Variants in HPSE2 observed in about 807,000 individuals in gnomAD.
The protein encoded by HPSE2 is heparanase 2 (inactive), also known as inactive heparanase-2.
In HPSE2, 38 loss-of-function variants were observed where a neutral mutation model predicts 60.5. The observed-to-expected ratio is 0.63, with a 90% confidence interval of 0.48 to 0.82. The LOEUF is 0.82. Among genes scored for constraint, HPSE2 ranks in the 40% least tolerant of loss-of-function variants. The pLI, the probability that HPSE2 is intolerant of heterozygous loss-of-function variation, is 0.00. For missense variants in HPSE2, 713 were observed against 740.4 expected, an observed-to-expected ratio of 0.96 and a Z score of 0.43; for synonymous variants, 295 against 293.2, an observed-to-expected ratio of 1.01 and a Z score of -0.06.
intron 4 of HPSE2, among the ~76,000 whole-genome samples, chr10:98,728,151 TA>T (rs1949136584): frequency 6.6e-6 from 1 of 152,132 alleles, no homozygotes; most frequent in South Asian, 2.1e-4. Context: ...TGAATAACTG[TA>T]AAAAATATTC....
intron 9 of HPSE2, among the ~76,000 whole-genome samples, chr10:98,544,916 T>C (rs963890444): frequency 2.0e-5 from 3 of 151,274 alleles, no homozygotes; most frequent in African/African-American, 4.9e-5. Context: ...GCAAGACTAA[T>C]AAAGAAGAAA....
At chr10:98,917,618 G>C (rs1954157024) in intron 3 of HPSE2, among the ~76,000 whole-genome samples, 1 of 152,132 alleles carries the variant, frequency 6.6e-6, no homozygotes, top group Non-Finnish European at 1.5e-5. Context: ...TGACATTTAA[G>C]TCACCCAGTT....
At chr10:98,832,677 A>G (rs555747041) in intron 3 of HPSE2, among the ~76,000 whole-genome samples, 96 of 152,158 alleles carry the variant, frequency 6.3e-4, no homozygotes, top group Non-Finnish European at 1.0e-3. Flanking sequence ...AGATTAGGAG[A>G]CAGAGAAGGT....
intron 9 of HPSE2, among the ~76,000 whole-genome samples, chr10:98,588,668 G>A (rs1242963313): frequency 1.3e-5 from 2 of 152,014 alleles, no homozygotes; most frequent in Non-Finnish European, 2.9e-5. Flanking sequence ...ATGCTCAACA[G>A]CAGGCACCGA....
rs567806385 is a variant in HPSE2 at position 98,679,081 on chromosome 10, C to A, written c.1004+14819G>T. ...TGACCAGAGAAAGTTGAATTATATA[C>A]CTGTGGTGAGGGAAGTCTAAAAGTT... On this transcript the variant is annotated intron_variant, in intron 6 of 11. Coordinates refer to ENST00000370552, the MANE Select transcript of HPSE2 (RefSeq NM_021828.5). Among the ~76,000 whole-genome samples the A allele has an allele frequency of 4.6e-5, 7 of 152,216 alleles. 1 individual carries two copies. The South Asian group carries it at 1.5e-3, about 32-fold the overall frequency.
chr10:98,512,914 C>T (rs1942466604), intron 9 of HPSE2, among the ~76,000 whole-genome samples: 1 of 152,026 alleles, frequency 6.6e-6, no homozygotes, highest in South Asian at 2.1e-4. Flanking sequence ...TCTTGGACCA[C>T]CCACATCCCT....
At chr10:98,966,111 G>A (rs1480663710) in intron 3 of HPSE2, among the ~76,000 whole-genome samples, 1 of 152,086 alleles carries the variant, frequency 6.6e-6, no homozygotes, top group African/African-American at 2.4e-5. Context: ...GACTGGTCTT[G>A]AACCCATGAC....
chr10:98,959,749 A>G (rs1437169084), intron 3 of HPSE2, among the ~76,000 whole-genome samples: 1 of 152,098 alleles, frequency 6.6e-6, no homozygotes, highest in African/African-American at 2.4e-5. Context: ...GGAGGCCTTC[A>G]TCTATGTAGA....
At chr10:98,892,831 C>T (rs1418119910) in intron 3 of HPSE2, among the ~76,000 whole-genome samples, 3 of 152,102 alleles carry the variant, frequency 2.0e-5, no homozygotes, top group Non-Finnish European at 1.5e-5. Flanking sequence ...AAGCTATTAA[C>T]ATTGTGGTTT....
chr10:98,469,984 T>C (rs553468191), intron 11 of HPSE2, among the ~76,000 whole-genome samples: 16 of 152,200 alleles, frequency 1.1e-4, no homozygotes, highest in Non-Finnish European at 2.2e-4. Flanking sequence ...GTAGCCTCTG[T>C]GGAGAGGGAC....
intron 2 of HPSE2, among the ~76,000 whole-genome samples, chr10:99,202,541 A>C (rs2133888023): frequency 6.6e-6 from 1 of 152,284 alleles, no homozygotes; most frequent in South Asian, 2.1e-4. Flanking sequence ...TCATCTTTAA[A>C]ATGGCAGTAT....
At chr10:98,855,861 G>A (rs940156453) in intron 3 of HPSE2, among the ~76,000 whole-genome samples, 2 of 152,164 alleles carry the variant, frequency 1.3e-5, no homozygotes, top group African/African-American at 4.8e-5. Flanking sequence ...CTTTTCAGGT[G>A]TAGACTCACA....
chr10:99,078,481 A>C (rs948766646), intron 3 of HPSE2, among the ~76,000 whole-genome samples: 3 of 152,222 alleles, frequency 2.0e-5, no homozygotes, highest in Admixed American at 2.0e-4. Flanking sequence ...GACAGTTGTT[A>C]TATTATTTAG....
intron 9 of HPSE2, among the ~76,000 whole-genome samples, chr10:98,532,041 T>G (rs1342957068): frequency 6.6e-6 from 1 of 152,170 alleles, no homozygotes; most frequent in Non-Finnish European, 1.5e-5. Flanking sequence ...CTTATTTCTA[T>G]TTTTTTCATG....
In HPSE2 at chr10:99,227,869, A is replaced by ATG. The variant is rs34836739; in HGVS notation, c.448+4477_448+4478dup. Among the ~76,000 whole-genome samples the ATG allele has an allele frequency of 2.7e-3, 386 of 142,414 alleles. 2 individuals carry two copies. The highest frequency in any genetic ancestry group is 7.3e-3 in the Middle Eastern group (2 of 274). The allele number at this position is 142,414 out of a possible 152,430, so 93.4% of individuals were successfully genotyped here. A position where few individuals can be genotyped will look rare whatever the true frequency, so the allele number is the denominator to read the frequency against. Reference sequence around the variant, plus strand: ...TATATATAAAGTTGAATGTGTATATATGTGTGTGTGTGTGTGTGTGTGTGT... The same window carrying ATG: ...TATATATAAAGTTGAATGTGTATATATGTGTGTGTGTGTGTGTGTGTGTGTGT... On this transcript the variant is annotated intron_variant, in intron 2 of 11. Coordinates refer to ENST00000370552, the MANE Select transcript of HPSE2 (RefSeq NM_021828.5).
intron 2 of HPSE2, among the ~76,000 whole-genome samples, chr10:99,219,227 C>T (rs1239376522): frequency 6.6e-6 from 1 of 152,186 alleles, no homozygotes; most frequent in South Asian, 2.1e-4. Context: ...TGGCATCCCA[C>T]AGAGTGCTCT....
At chr10:98,914,963 T>C (rs1046384548) in intron 3 of HPSE2, among the ~76,000 whole-genome samples, 1 of 151,214 alleles carries the variant, frequency 6.6e-6, no homozygotes, top group African/African-American at 2.4e-5. Flanking sequence ...TACAAAAGTA[T>C]ACACACAGGA....
At chr10:98,910,061 G>T (rs1590060517) in intron 3 of HPSE2, among the ~76,000 whole-genome samples, 1 of 152,160 alleles carries the variant, frequency 6.6e-6, no homozygotes. Context: ...AAGAAAAAAA[G>T]TGTTCATAAA....
chr10:98,590,511 C>G (rs1355811031), intron 9 of HPSE2, among the ~76,000 whole-genome samples: 3 of 152,176 alleles, frequency 2.0e-5, no homozygotes, highest in Non-Finnish European at 4.4e-5. Context: ...TTCGGATTCT[C>G]TTTTTCATTC....
Sources: allele counts gnomAD v4.1 joint callset (sites outside exome capture counted in the v4.1 genomes callset), GRCh38; gene constraint gnomAD v4.1.1; transcripts MANE v1.5; gene names NCBI Gene and HGNC (gene_info 2026-07-23, HGNC 2026-07-21).